Variants in LGMN observed in about 807,000 individuals in gnomAD.
LGMN encodes the protein legumain.
Under a neutral mutation model 56.8 loss-of-function variants are expected in LGMN, and 36 were observed. That is an observed-to-expected ratio of 0.63 (90% CI 0.49 to 0.84). The LOEUF (loss-of-function observed/expected upper bound fraction) is 0.84, where lower values mean the gene tolerates loss of function less well. LGMN is among the 40% of genes least tolerant of loss of function. LGMN has a pLI of 0.00. For missense variants in LGMN, 446 were observed against 556.1 expected (o/e 0.80, Z 1.99); for synonymous variants, 199 against 210.1 (o/e 0.95, Z 0.46).
At chr14:92,739,303 C>G (rs749219266) in intron 1 of LGMN, among the ~76,000 whole-genome samples, 1 of 152,120 alleles carries the variant, frequency 6.6e-6, no homozygotes, top group Non-Finnish European at 1.5e-5. Flanking sequence ...AAAAAGTGAA[C>G]GACGCCGGCT....
At chr14:92,719,848 G>T (rs1341982390) in intron 2 of LGMN, among the ~76,000 whole-genome samples, 1 of 152,168 alleles carries the variant, frequency 6.6e-6, no homozygotes. Context: ...AAGGAAAAAT[G>T]TTGCCTGTCT....
intron 2 of LGMN, among the ~76,000 whole-genome samples, chr14:92,729,807 C>T (rs1031108182): frequency 6.6e-6 from 1 of 152,194 alleles, no homozygotes; most frequent in Non-Finnish European, 1.5e-5. Flanking sequence ...AGAAGCAGCC[C>T]CTTGGCAGGG....
chr14:92,705,067 C>T lies in LGMN; in HGVS notation c.1192-360G>A, dbSNP rs143177373. Among the ~76,000 whole-genome samples the T allele has an allele frequency of 4.4e-3, 670 of 152,318 alleles. 8 individuals carry two copies. Among genetic ancestry groups the T allele is most frequent in the African/African-American group, 0.015 (634 of 41,566 alleles). On this transcript the variant is annotated intron_variant, in intron 12 of 13. Transcript: ENST00000334869. ...GGGACACGCCAGCGAGGGAGATGGACGGCGTGTGAAAGCCACGCTGGATCA... is the reference window on the plus strand; with the variant it reads ...GGGACACGCCAGCGAGGGAGATGGATGGCGTGTGAAAGCCACGCTGGATCA...
At chr14:92,710,398 G>A (rs1359320789) in intron 10 of LGMN, among the ~76,000 whole-genome samples, 18 of 152,228 alleles carry the variant, frequency 1.2e-4, no homozygotes, top group Admixed American at 1.2e-3. Context: ...GCCCAGGTTA[G>A]AGCTGAAGTC....
intron 5 of LGMN, chr14:92,715,831 G>A (rs984171997): frequency 3.0e-5 from 6 of 197,676 alleles, no homozygotes; most frequent in South Asian, 2.7e-4. Flanking sequence ...CAGGGGCTCC[G>A]CTGGCAGTGG....
chr14:92,737,479 C>T (rs747797197), intron 1 of LGMN, among the ~76,000 whole-genome samples: 7 of 152,182 alleles, frequency 4.6e-5, no homozygotes, highest in Non-Finnish European at 5.9e-5. Context: ...AGTTTTTGGC[C>T]TAGTCCTGCC....
intron 12 of LGMN, chr14:92,704,987 T>A: frequency 2.7e-6 from 1 of 365,448 alleles, no homozygotes; most frequent in Non-Finnish European, 5.3e-6. Context: ...CCGATGGCTC[T>A]GCTCCCCGCC....
intron 1 of LGMN, among the ~76,000 whole-genome samples, chr14:92,744,611 T>C (rs1891732774): frequency 6.6e-6 from 1 of 151,146 alleles, no homozygotes; most frequent in African/African-American, 2.4e-5. Context: ...TTTTTTTTTT[T>C]TGAGACGGAG....
intron 3 of LGMN, 114 bp downstream of exon 3, chr14:92,718,633 G>A (rs1890192701): frequency 3.4e-6 from 2 of 585,572 alleles, no homozygotes; most frequent in Middle Eastern, 2.7e-4. Context: ...CTTCTGTCTG[G>A]GAGTCTCTTA....
At position 92,736,474 on chromosome 14, in the gene LGMN, T is replaced by TAATC. The variant is rs1430099878; in HGVS notation, c.-29-3663_-29-3660dup. On this transcript the variant is annotated intron_variant, in intron 1 of 13. Coordinates refer to ENST00000334869, the MANE Select transcript of LGMN (RefSeq NM_005606.7). ...AGCTGGGCGTGGTGGCGCACACCTG[T>TAATC]AATCCCAGCTACTCAGGAGGCTGAG... Among the ~76,000 whole-genome samples, 6 of 152,126 alleles carry TAATC rather than the reference T, an allele frequency of 3.9e-5. No homozygotes were observed. In the East Asian group the frequency reaches 1.2e-3, roughly 29 times the overall value.
In LGMN at chr14:92,748,482, CG is replaced by C. The variant is rs1213303613; in HGVS notation, c.-30+6del. On this transcript the variant is annotated splice_donor_region_variant and intron_variant, in intron 1 of 13. Coordinates refer to ENST00000334869, the MANE Select transcript of LGMN (RefSeq NM_005606.7). Reference sequence around the variant, plus strand: ...GAACCCGGTTCTGTGCTGGGGCTCGCGGTTACCTGTGGCAGGCGACCGTGGT... The same window carrying C: ...GAACCCGGTTCTGTGCTGGGGCTCGCGTTACCTGTGGCAGGCGACCGTGGT... 6.5e-6 allele frequency: 1 copy of C among 154,544 alleles called. No individual in the cohort carries two copies. Among genetic ancestry groups the C allele is most frequent in the Non-Finnish European group, 1.5e-5 (1 of 68,954 alleles). The allele number at this position is 154,544 out of a possible 1,614,324, so 9.6% of individuals were successfully genotyped here.
rs1441977271 is a variant in LGMN at position 92,719,236 on chromosome 14, GCCACCA to G, written c.139-398_139-393del. 5.6e-4 allele frequency among the ~76,000 whole-genome samples: 41 copies of G among 72,854 alleles called. 1 individual carries two copies. The highest frequency in any genetic ancestry group is 1.7e-3 in the South Asian group (3 of 1,738). 47.8% of individuals were successfully genotyped at this position (72,854 alleles called of 152,430 possible). ...CGCCACCAACACCACCACCGCCACC[GCCACCA>G]CCGCCACCACCACCACCGCCACCGC... On this transcript the variant is annotated intron_variant, in intron 2 of 13. Transcript: ENST00000334869.
chr14:92,723,891 C>G (rs1028905492), intron 2 of LGMN, among the ~76,000 whole-genome samples: 3 of 152,124 alleles, frequency 2.0e-5, no homozygotes, highest in African/African-American at 7.2e-5. Context: ...GCCACCACGC[C>G]CAGCTAATTT....
intron 10 of LGMN, 62 bp from the exon 11 acceptor site, chr14:92,709,934 G>T: frequency 7.8e-7 from 1 of 1,275,124 alleles, no homozygotes; most frequent in Non-Finnish European, 1.1e-6. Context: ...GAGAAGGCCA[G>T]AGAGAGAGGG....
chr14:92,709,577 T>C (rs1889632136), intron 11 of LGMN, 95 bp downstream of exon 11: 2 of 982,510 alleles, frequency 2.0e-6, no homozygotes, highest in South Asian at 1.5e-5. Flanking sequence ...TACTCCTGTG[T>C]GGCAGGGAGC....
chr14:92,724,350 T>A (rs1162492177), intron 2 of LGMN, among the ~76,000 whole-genome samples: 1 of 152,210 alleles, frequency 6.6e-6, no homozygotes, highest in Non-Finnish European at 1.5e-5. Flanking sequence ...TTATGCCCCA[T>A]CTTCCACACT....
intron 12 of LGMN, 106 bp from the exon 13 acceptor site, chr14:92,704,813 C>G: frequency 6.7e-6 from 6 of 891,306 alleles, no homozygotes; most frequent in Non-Finnish European, 1.1e-5. Flanking sequence ...GGCTCTTGCC[C>G]TATTTTGGTT....
chr14:92,715,309 C>T (rs1566920730), intron 5 of LGMN, among the ~76,000 whole-genome samples: 1 of 151,704 alleles, frequency 6.6e-6, no homozygotes. Context: ...ACCTCCACCT[C>T]CTGGATTCAA....
intron 12 of LGMN, among the ~76,000 whole-genome samples, chr14:92,705,615 TG>T (rs1242681619): frequency 3.3e-5 from 5 of 152,118 alleles, no homozygotes; most frequent in Non-Finnish European, 7.4e-5. Context: ...CTGAGCAGGA[TG>T]TGGCTATGTT....
Sources: allele counts gnomAD v4.1 joint callset (sites outside exome capture counted in the v4.1 genomes callset), GRCh38; gene constraint gnomAD v4.1.1; transcripts MANE v1.5; gene names NCBI Gene and HGNC (gene_info 2026-07-23, HGNC 2026-07-21).